Variants in DERA observed in about 807,000 individuals in gnomAD.
DERA encodes 2-deoxy-D-ribose 5-phosphate aldolase.
Under a neutral mutation model 41.1 loss-of-function variants are expected in DERA, and 15 were observed. That is an observed-to-expected ratio of 0.37 (90% CI 0.24 to 0.56). The LOEUF is 0.56. DERA is among the 20% of genes least tolerant of loss of function. The pLI is 0.81. For synonymous variants in DERA, 139 were observed against 137.4 expected (o/e 1.01, Z -0.08); for missense variants, 396 against 403.4 (o/e 0.98, Z 0.16).
intron 1 of DERA, among the ~76,000 whole-genome samples, chr12:15,937,283 T>A (rs1011410251): frequency 1.3e-5 from 2 of 152,228 alleles, no homozygotes; most frequent in Admixed American, 1.3e-4. Flanking sequence ...GGAAGTTATA[T>A]CTAAAACTTG....
intron 6 of DERA, among the ~76,000 whole-genome samples, chr12:16,025,709 A>G (rs1375978262): frequency 6.6e-6 from 1 of 152,172 alleles, no homozygotes; most frequent in Non-Finnish European, 1.5e-5. Flanking sequence ...ATATGATCAA[A>G]TTAACATTTA....
chr12:15,939,406 A>C (rs968966423), intron 1 of DERA, among the ~76,000 whole-genome samples: 13 of 152,204 alleles, frequency 8.5e-5, no homozygotes, highest in African/African-American at 3.1e-4. Context: ...TATGTAACAA[A>C]AGACAGTCAA....
At chr12:16,034,798 A>C (rs1475449786) in intron 7 of DERA, among the ~76,000 whole-genome samples, 1 of 152,232 alleles carries the variant, frequency 6.6e-6, no homozygotes, top group African/African-American at 2.4e-5. Flanking sequence ...CCTCTCTGGA[A>C]ACAGACTTGC....
rs1948797095 is a variant in DERA at position 15,990,812 on chromosome 12, C to CAGCCATA, written c.637+8377_637+8378insGCCATAA. Reference sequence around the variant, plus strand: ...CTTTTTTTATGGCTGGATAGTAGTCCATGGTGCATATATATACACCACATT... The same window carrying CAGCCATA: ...CTTTTTTTATGGCTGGATAGTAGTCCAGCCATAATGGTGCATATATATACACCACATT... On this transcript the variant is annotated intron_variant, in intron 6 of 8. Coordinates refer to ENST00000428559, the MANE Select transcript of DERA (RefSeq NM_015954.4). The surrounding 1 kb of genome is among the most constrained non-coding windows in gnomAD (Gnocchi z 4.3). 6.6e-6 allele frequency among the ~76,000 whole-genome samples: 1 copy of CAGCCATA among 152,080 alleles called. No individual in the cohort carries two copies. The highest frequency in any genetic ancestry group is 2.4e-5 in the African/African-American group (1 of 41,416).
chr12:15,961,664 A>G (rs7965359), intron 4 of DERA, among the ~76,000 whole-genome samples: 37,514 of 152,162 alleles, frequency 0.25, 5,098 homozygotes, highest in Admixed American at 0.37. Context: ...TTAATTTTTC[A>G]TCAGCCTCAG....
In DERA at chr12:15,993,481, T is replaced by C. The variant is rs1027313345; in HGVS notation, c.637+11045T>C. Reference sequence around the variant, plus strand: ...TCTAGACTCCTGTGGTGTTGTGGCCTTTTTTTTTTTTTTTAAAAAAAATAA... The same window carrying C: ...TCTAGACTCCTGTGGTGTTGTGGCCCTTTTTTTTTTTTTTAAAAAAAATAA... On this transcript the variant is annotated intron_variant, in intron 6 of 8. Coordinates refer to ENST00000428559, the MANE Select transcript of DERA (RefSeq NM_015954.4). The surrounding 1 kb of genome is among the most constrained non-coding windows in gnomAD (Gnocchi z 4.4). Among the ~76,000 whole-genome samples, 1 of 120,204 alleles carries C rather than the reference T, an allele frequency of 8.3e-6. No homozygotes were observed. The highest frequency in any genetic ancestry group is 3.1e-5 in the African/African-American group (1 of 32,584). The allele number at this position is 120,204 out of a possible 152,430, so 78.9% of individuals were successfully genotyped here.
rs1185086915 is a variant in DERA, at chr12:16,035,205, G to A, written c.751-1027G>A. ...AGGACTTAAATATTGATTGGGTGTGGTGTGGCCAGGGAATGGTGGAGTTTG... is the reference window on the plus strand; with the variant it reads ...AGGACTTAAATATTGATTGGGTGTGATGTGGCCAGGGAATGGTGGAGTTTG... On this transcript the variant is annotated intron_variant, in intron 7 of 8. Coordinates refer to ENST00000428559, the MANE Select transcript of DERA (RefSeq NM_015954.4). This position sits in a 1 kb window ranked among gnomAD's most constrained non-coding sequence, Gnocchi z 4.1. Among the ~76,000 whole-genome samples the A allele has an allele frequency of 6.6e-6, 1 of 152,188 alleles. No homozygotes were observed. Among genetic ancestry groups the A allele is most frequent in the Admixed American group, 6.5e-5 (1 of 15,280 alleles).
intron 6 of DERA, among the ~76,000 whole-genome samples, chr12:16,002,270 C>T (rs984726802): frequency 1.3e-5 from 2 of 151,746 alleles, no homozygotes; most frequent in Non-Finnish European, 2.9e-5. Flanking sequence ...TAAGGTTATT[C>T]TAAACTCTAA....
intron 1 of DERA, among the ~76,000 whole-genome samples, chr12:15,927,994 A>G (rs1193558890): frequency 6.6e-6 from 1 of 151,788 alleles, no homozygotes; most frequent in Non-Finnish European, 1.5e-5. Flanking sequence ...TCTTGGCTCA[A>G]AAATAGTTAA....
intron 1 of DERA, among the ~76,000 whole-genome samples, chr12:15,919,920 A>G (rs1307971186): frequency 1.3e-5 from 2 of 152,020 alleles, no homozygotes; most frequent in Non-Finnish European, 2.9e-5. Context: ...AGATTCAGAT[A>G]AGGTTTTCAA....
rs1161630829 is a variant in DERA at position 16,008,353 on chromosome 12, T to A, written c.638-24189T>A. ...CTGCCTTGGTCCTTTCCTTCCACAT[T>A]TTATTCAGTTGGACTCTGACTCCTG... On this transcript the variant is annotated intron_variant, in intron 6 of 8. Transcript: ENST00000428559. This position sits in a 1 kb window ranked among gnomAD's most constrained non-coding sequence, Gnocchi z 4.8. Among the ~76,000 whole-genome samples, 1 of 152,236 alleles carries A rather than the reference T, an allele frequency of 6.6e-6. No homozygotes were observed. The highest frequency in any genetic ancestry group is 1.5e-5 in the Non-Finnish European group (1 of 68,044).
intron 6 of DERA, among the ~76,000 whole-genome samples, chr12:16,015,893 C>A (rs1473514882): frequency 6.6e-6 from 1 of 151,838 alleles, no homozygotes; most frequent in East Asian, 1.9e-4. Context: ...AATTTTTTTT[C>A]CTCCTTTCTC....
intron 1 of DERA, among the ~76,000 whole-genome samples, chr12:15,912,020 C>A (rs896677250): frequency 4.5e-5 from 6 of 134,178 alleles, no homozygotes; most frequent in Admixed American, 3.9e-4. Context: ...GTTCAGATTT[C>A]TTTTTTTTTT....
At position 16,008,397 on chromosome 12, in the gene DERA, A is replaced by T. The variant is rs1948927022; in HGVS notation, c.638-24145A>T. ...ACTCCTGTCTGATTTGCCAGTGTAGATGGGGTGGGGAATTACCTGCATAGG... is the reference window on the plus strand; with the variant it reads ...ACTCCTGTCTGATTTGCCAGTGTAGTTGGGGTGGGGAATTACCTGCATAGG... On this transcript the variant is annotated intron_variant, in intron 6 of 8. Coordinates refer to ENST00000428559, the MANE Select transcript of DERA (RefSeq NM_015954.4). This position sits in a 1 kb window ranked among gnomAD's most constrained non-coding sequence, Gnocchi z 4.8. 1.3e-5 allele frequency among the ~76,000 whole-genome samples: 2 copies of T among 152,070 alleles called. No homozygotes were observed. The highest frequency in any genetic ancestry group is 2.9e-5 in the Non-Finnish European group (2 of 68,012).
chr12:15,931,620 G>A lies in DERA; in HGVS notation c.31+20206G>A, dbSNP rs1948328657. ...TATGGAGTTATCTTCATGAGAGCATGCTATGGTTTGGATGTGGTTTGTCTA... is the reference window on the plus strand; with the variant it reads ...TATGGAGTTATCTTCATGAGAGCATACTATGGTTTGGATGTGGTTTGTCTA... On this transcript the variant is annotated intron_variant, in intron 1 of 8. Coordinates refer to ENST00000428559, the MANE Select transcript of DERA (RefSeq NM_015954.4). This position sits in a 1 kb window ranked among gnomAD's most constrained non-coding sequence, Gnocchi z 4.6. 6.6e-6 allele frequency among the ~76,000 whole-genome samples: 1 copy of A among 152,202 alleles called. No individual in the cohort carries two copies. The highest frequency in any genetic ancestry group is 1.9e-4 in the East Asian group (1 of 5,202).
Position 15,993,493 on chromosome 12 carries a change from T to A in DERA, c.637+11057T>A, listed in dbSNP as rs202239974. 0.054 allele frequency among the ~76,000 whole-genome samples: 8,010 copies of A among 149,180 alleles called. 694 individuals are homozygous for A. Among genetic ancestry groups the A allele is most frequent in the African/African-American group, 0.19 (7,336 of 39,192 alleles). On this transcript the variant is annotated intron_variant, in intron 6 of 8. Transcript: ENST00000428559. This position sits in a 1 kb window ranked among gnomAD's most constrained non-coding sequence, Gnocchi z 4.4. The stretch of plus-strand genomic sequence containing the variant: ...TGGTGTTGTGGCCTTTTTTTTTTTT[T>A]TTAAAAAAAATAAGATCTTGCCTTT...
chr12:15,964,785 G>A (rs1948611881), intron 5 of DERA, among the ~76,000 whole-genome samples: 1 of 152,136 alleles, frequency 6.6e-6, no homozygotes, highest in Non-Finnish European at 1.5e-5. Context: ...TAGAAATATG[G>A]TTTATATTAT....
intron 6 of DERA, among the ~76,000 whole-genome samples, chr12:16,018,831 A>C (rs1949000941): frequency 6.6e-6 from 1 of 152,188 alleles, no homozygotes; most frequent in South Asian, 2.1e-4. Context: ...TTTTAATTTC[A>C]ACTAATCACA....
intron 1 of DERA, among the ~76,000 whole-genome samples, chr12:15,934,082 T>G (rs1948348413): frequency 6.6e-6 from 1 of 152,154 alleles, no homozygotes; most frequent in African/African-American, 2.4e-5. Context: ...GAGTTAGTGG[T>G]TCATAAATTG....
Sources: allele counts gnomAD v4.1 joint callset (sites outside exome capture counted in the v4.1 genomes callset), GRCh38; gene constraint gnomAD v4.1.1; non-coding constraint Gnocchi (gnomAD v3.1); transcripts MANE v1.5; gene names NCBI Gene and HGNC (gene_info 2026-07-23, HGNC 2026-07-21).